Variants in PPFIA2 observed in about 807,000 individuals in gnomAD.
PPFIA2 encodes the protein PPFI scaffold protein A2.
PPFIA2 carries 46 observed loss-of-function variants against 175.5 expected under a neutral mutation model. The observed-to-expected ratio is 0.26, with a 90% confidence interval of 0.21 to 0.34. The LOEUF is 0.34. Among genes scored for constraint, PPFIA2 ranks in the 10% least tolerant of loss-of-function variants. The pLI, the probability that PPFIA2 is intolerant of heterozygous loss-of-function variation, is 1.00. For synonymous variants in PPFIA2, 568 were observed against 511.4 expected, an observed-to-expected ratio of 1.11 and a Z score of -1.49; for missense variants, 1,179 against 1,506.1, an observed-to-expected ratio of 0.78 and a Z score of 3.60.
intron 21 of PPFIA2, among the ~76,000 whole-genome samples, chr12:81,333,696 T>C (rs950901712): frequency 2.0e-5 from 3 of 152,170 alleles, no homozygotes; most frequent in Non-Finnish European, 4.4e-5. Flanking sequence ...CCCACTTACA[T>C]CCATTCTTTC....
chr12:81,567,738 C>A (rs1595051997), intron 4 of PPFIA2, among the ~76,000 whole-genome samples: 1 of 152,206 alleles, frequency 6.6e-6, no homozygotes, highest in Admixed American at 6.5e-5. Flanking sequence ...CCCTCCCATT[C>A]CAGGGCTTAT....
intron 3 of PPFIA2, among the ~76,000 whole-genome samples, chr12:81,700,413 TAAAG>T (rs2076355082): frequency 6.6e-6 from 1 of 152,162 alleles, no homozygotes; most frequent in Admixed American, 6.6e-5. Context: ...TCATGCTTTA[TAAAG>T]ATTTTTGTCT....
intron 3 of PPFIA2, among the ~76,000 whole-genome samples, chr12:81,725,815 A>G (rs919900107): frequency 4.0e-5 from 6 of 150,938 alleles, no homozygotes; most frequent in Non-Finnish European, 8.9e-5. Context: ...AAGAAAAATG[A>G]CAATAGGTAA....
chr12:81,428,049 T>A (rs966750393), intron 7 of PPFIA2, among the ~76,000 whole-genome samples: 8 of 151,978 alleles, frequency 5.3e-5, no homozygotes, highest in African/African-American at 1.2e-4. Flanking sequence ...CAATAAGTAA[T>A]CTTTCTCAAA....
intron 3 of PPFIA2, among the ~76,000 whole-genome samples, chr12:81,722,186 G>T (rs1178654760): frequency 6.6e-6 from 1 of 150,968 alleles, no homozygotes; most frequent in Admixed American, 6.6e-5. Flanking sequence ...TATTCAATGT[G>T]ACTCATTCCT....
intron 4 of PPFIA2, among the ~76,000 whole-genome samples, chr12:81,605,178 C>T (rs2153460159): frequency 6.6e-6 from 1 of 151,934 alleles, no homozygotes; most frequent in Non-Finnish European, 1.5e-5. Flanking sequence ...AGCAATTTGA[C>T]ATAGCCTTTC....
chr12:81,623,613 T>G (rs1478827809), intron 4 of PPFIA2, among the ~76,000 whole-genome samples: 3 of 152,024 alleles, frequency 2.0e-5, no homozygotes, highest in Admixed American at 2.0e-4. Context: ...ACATTTGTAA[T>G]ATATTCATGA....
chr12:81,259,363 TGCCTAGTATATTACAATAAA>T lies in PPFIA2; in HGVS notation c.*311_*330del. ...AAAGAAATGCACGGTAATACATAAA[TGCCTAGTATATTACAATAAA>T]ACATGAAAAACAACTGGCTTCATTT... On this transcript the variant is annotated 3_prime_UTR_variant, in exon 33 of 33. Coordinates refer to ENST00000549396, the MANE Select transcript of PPFIA2 (RefSeq NM_003625.5). The T allele has an allele frequency of 1.7e-6, 1 of 579,666 alleles. No individual in the cohort carries two copies. The highest frequency in any genetic ancestry group is 3.2e-6 in the Non-Finnish European group (1 of 316,380). The allele number at this position is 579,666 out of a possible 1,614,324, so 35.9% of individuals were successfully genotyped here. A position where few individuals can be genotyped will look rare whatever the true frequency, so the allele number is the denominator to read the frequency against.
At chr12:81,294,558 GA>G (rs1436944252) in intron 24 of PPFIA2, 2 of 329,790 alleles carry the variant, frequency 6.1e-6, no homozygotes, top group Non-Finnish European at 1.1e-5. Context: ...ATTGAAAAAA[GA>G]GTAAGCTCAG....
chr12:81,606,424 T>C (rs2060321040), intron 4 of PPFIA2, among the ~76,000 whole-genome samples: 1 of 152,164 alleles, frequency 6.6e-6, no homozygotes, highest in Non-Finnish European at 1.5e-5. Context: ...TGAACTCATT[T>C]ACATTCCCAC....
intron 4 of PPFIA2, among the ~76,000 whole-genome samples, chr12:81,532,025 A>G (rs17008663): frequency 0.04 from 6,004 of 151,912 alleles, 175 homozygotes; most frequent in African/African-American, 0.085. Context: ...CATGATCTCA[A>G]TGCAATCCAT....
chr12:81,597,516 T>C (rs548759925), intron 4 of PPFIA2, among the ~76,000 whole-genome samples: 1 of 152,224 alleles, frequency 6.6e-6, no homozygotes, highest in South Asian at 2.1e-4. Flanking sequence ...TGTTAAACTG[T>C]GTATATGAAA....
chr12:81,361,335 T>C (rs933691854), intron 15 of PPFIA2, among the ~76,000 whole-genome samples: 19 of 151,790 alleles, frequency 1.3e-4, no homozygotes, highest in African/African-American at 4.3e-4. Flanking sequence ...CTTCTCCTTC[T>C]CCACCATCCT....
intron 4 of PPFIA2, among the ~76,000 whole-genome samples, chr12:81,625,858 A>G (rs1399588374): frequency 1.4e-5 from 2 of 147,752 alleles, no homozygotes; most frequent in Admixed American, 6.8e-5. Context: ...TATTATAAAT[A>G]TAGTATATTA....
intron 4 of PPFIA2, among the ~76,000 whole-genome samples, chr12:81,510,512 G>A (rs2061654351): frequency 6.6e-6 from 1 of 152,040 alleles, no homozygotes; most frequent in African/African-American, 2.4e-5. Flanking sequence ...ACTATTCAAA[G>A]CTCTTTACAG....
intron 4 of PPFIA2, chr12:81,598,077 A>C: frequency 6.5e-7 from 1 of 1,534,012 alleles, no homozygotes; most frequent in Non-Finnish European, 8.7e-7. Flanking sequence ...CTACAGATGC[A>C]GAGCAGAGAG....
intron 7 of PPFIA2, among the ~76,000 whole-genome samples, chr12:81,436,279 TAAAAAAAAAAAAAAAAAAAAAAAAA>T (rs763809833): frequency 0.012 from 559 of 44,758 alleles, 8 homozygotes; most frequent in Admixed American, 0.023. Flanking sequence ...AGACCCTGTC[TAAAAAAAAAAAAAAAAAAAAAAAAA>T]AAAAAAAAAA....
At chr12:81,306,378 T>C (rs1015366847) in intron 22 of PPFIA2, among the ~76,000 whole-genome samples, 5 of 152,134 alleles carry the variant, frequency 3.3e-5, no homozygotes, top group Admixed American at 1.3e-4. Flanking sequence ...AGTTTCCTCA[T>C]GTGGAACATG....
At chr12:81,486,287 G>A (rs977655672) in intron 4 of PPFIA2, among the ~76,000 whole-genome samples, 1 of 151,634 alleles carries the variant, frequency 6.6e-6, no homozygotes, top group African/African-American at 2.4e-5. Flanking sequence ...TGTCTTATGT[G>A]GCAGAATTAG....
Sources: allele counts gnomAD v4.1 joint callset (sites outside exome capture counted in the v4.1 genomes callset), GRCh38; gene constraint gnomAD v4.1.1; transcripts MANE v1.5; gene names NCBI Gene and HGNC (gene_info 2026-07-23, HGNC 2026-07-21).